The following DNAH14 variants were observed in gnomAD, a reference collection of about 807,000 sequenced individuals.
The protein encoded by DNAH14 is axonemal beta dynein heavy chain 14.
DNAH14 carries 478 observed loss-of-function variants against 520.9 expected under a neutral mutation model. The ratio of observed to expected loss-of-function variants is 0.92; its 90% CI spans 0.85 to 0.99. The LOEUF is 0.99. DNAH14 is among the 50% of genes least tolerant of loss of function. The pLI, the probability that DNAH14 is intolerant of heterozygous loss-of-function variation, is 0.00. For missense variants in DNAH14, 4,831 were observed against 5,234.5 expected (o/e 0.92, Z 2.38); for synonymous variants, 1,581 against 1,757.2 (o/e 0.90, Z 2.51).
chr1:225,218,397 G>A (rs1574073857), intron 41 of DNAH14, among the ~76,000 whole-genome samples: 1 of 151,688 alleles, frequency 6.6e-6, no homozygotes, highest in Admixed American at 6.6e-5. Context: ...TCAGTGTGCT[G>A]TATTCAGGAG....
Position 224,967,413 on chromosome 1 carries a change from T to A in DNAH14, c.499-18T>A, listed in dbSNP as rs764014458. 1.5e-5 allele frequency: 14 copies of A among 944,472 alleles called. No individual in the cohort carries two copies. In the African/African-American group the frequency reaches 1.8e-4, roughly 12 times the overall value. The allele number at this position is 944,472 out of a possible 1,614,324, so 58.5% of individuals were successfully genotyped here. On this transcript the variant is annotated intron_variant, in intron 5 of 85. Transcript: ENST00000682510. ...TCAAATTAATTAAATTTGTTTATTA[T>A]TTTTTTTTTAATCTCAGAAACCTTT...
At chr1:225,126,317 G>A (rs772594184) in intron 27 of DNAH14, among the ~76,000 whole-genome samples, 24 of 152,182 alleles carry the variant, frequency 1.6e-4, no homozygotes, top group African/African-American at 4.6e-4. Flanking sequence ...GGTAGAATTC[G>A]GCTGTGAATC....
At chr1:225,171,286 G>T (rs1459754304) in intron 36 of DNAH14, among the ~76,000 whole-genome samples, 1 of 151,962 alleles carries the variant, frequency 6.6e-6, no homozygotes, top group Non-Finnish European at 1.5e-5. Context: ...GAACTGAAGG[G>T]AATAGAGACA....
chr1:225,205,267 G>T (rs1441694184), intron 39 of DNAH14, among the ~76,000 whole-genome samples: 2 of 152,104 alleles, frequency 1.3e-5, no homozygotes, highest in Non-Finnish European at 2.9e-5. Context: ...GGTCATGAGG[G>T]TAGAGCCCTC....
At chr1:225,036,160 G>C (rs1410206467) in intron 11 of DNAH14, among the ~76,000 whole-genome samples, 1 of 152,052 alleles carries the variant, frequency 6.6e-6, no homozygotes, top group Non-Finnish European at 1.5e-5. Context: ...TTTTGAGATA[G>C]AGTCCCACAC....
chr1:225,065,534 T>G (rs1372615206), intron 17 of DNAH14, among the ~76,000 whole-genome samples: 1 of 151,878 alleles, frequency 6.6e-6, no homozygotes, highest in East Asian at 1.9e-4. Flanking sequence ...ACCCATAGCC[T>G]TTAGTAAACA....
In DNAH14 at chr1:224,955,083, T is replaced by A. The variant is rs375259141; in HGVS notation, c.202T>A (p.Ser68Thr). The A allele has an allele frequency of 1.2e-6, 2 of 1,609,622 alleles. No individual in the cohort carries two copies. Among genetic ancestry groups the A allele is most frequent in the African/African-American group, 1.3e-5 (1 of 74,894 alleles). ...TAGAACATTCTCTGAATCTTTGAAG[T>A]CAGAGAAAACAGAAGGTATTTATCA... ...TVRTFSESLK[S>T]EKTEDYLRES... The change falls in exon 3 of 86, where the codon TCA becomes ACA. Residue 68 changes from serine (S) to threonine (T), a missense_variant. Transcript: ENST00000682510.
chr1:225,079,971 C>T (rs1213775589), intron 18 of DNAH14, among the ~76,000 whole-genome samples: 1 of 152,052 alleles, frequency 6.6e-6, no homozygotes, highest in Non-Finnish European at 1.5e-5. Context: ...CCGTGACCGG[C>T]CAATACAAGT....
intron 36 of DNAH14, among the ~76,000 whole-genome samples, chr1:225,177,148 G>T (rs1283443055): frequency 3.3e-5 from 5 of 152,204 alleles, no homozygotes; most frequent in South Asian, 2.1e-4. Flanking sequence ...TTGGGAACTG[G>T]AGTAAAGGTG....
intron 25 of DNAH14, 137 bp from the exon 26 acceptor site, chr1:225,119,083 C>A: frequency 2.0e-6 from 1 of 499,596 alleles, no homozygotes; most frequent in Non-Finnish European, 3.3e-6. Context: ...TTTAGAAAAA[C>A]CAAAAGGCAG....
At chr1:225,119,658 A>G (rs2077143454) in intron 26 of DNAH14, among the ~76,000 whole-genome samples, 1 of 152,142 alleles carries the variant, frequency 6.6e-6, no homozygotes, top group Non-Finnish European at 1.5e-5. Flanking sequence ...TTTTGGTTCT[A>G]CTTTTACTTC....
At chr1:225,187,324 C>CTGGAAGAGAG (rs2084883016) in intron 37 of DNAH14, among the ~76,000 whole-genome samples, 4 of 151,874 alleles carry the variant, frequency 2.6e-5, no homozygotes, top group Admixed American at 1.3e-4. Context: ...ATTCTCCTAT[C>CTGGAAGAGAG]TTCCCATTCC....
chr1:225,191,510 T>C (rs1294388718), intron 37 of DNAH14, among the ~76,000 whole-genome samples: 1 of 152,046 alleles, frequency 6.6e-6, no homozygotes, highest in African/African-American at 2.4e-5. Flanking sequence ...TGGACATCAA[T>C]AGTTTGATTA....
intron 10 of DNAH14, among the ~76,000 whole-genome samples, chr1:225,023,363 T>C (rs1178407328): frequency 1.3e-5 from 2 of 149,400 alleles, no homozygotes; most frequent in African/African-American, 5.1e-5. Context: ...GTCTCCTCTG[T>C]CTTTTTTTTT....
At chr1:225,258,626 G>A (rs1258482486) in intron 45 of DNAH14, among the ~76,000 whole-genome samples, 1 of 152,090 alleles carries the variant, frequency 6.6e-6, no homozygotes, top group African/African-American at 2.4e-5. Flanking sequence ...CATTTTCCCA[G>A]TTCCATATGC....
intron 42 of DNAH14, among the ~76,000 whole-genome samples, chr1:225,237,602 G>A (rs759067114): frequency 1.2e-4 from 18 of 151,918 alleles, no homozygotes; most frequent in Middle Eastern, 3.2e-3. Flanking sequence ...TGATTTTTTC[G>A]TGGAGCATCT....
chr1:225,032,365 G>T (rs2066595072), intron 11 of DNAH14, among the ~76,000 whole-genome samples: 2 of 152,114 alleles, frequency 1.3e-5, no homozygotes, highest in South Asian at 2.1e-4. Context: ...GTTTGCTAAG[G>T]ATGATCACCT....
rs553531032 is a variant in DNAH14, at chr1:224,978,663, C to A, written c.830+4510C>A. On this transcript the variant is annotated intron_variant, in intron 8 of 85. Coordinates refer to ENST00000682510, the MANE Select transcript of DNAH14 (RefSeq NM_001367479.1). ...TATTCTTATTTCCTTTTTTTAGAGACAGAGTCTCACTCTTGCCCAGGCGGC... is the reference window on the plus strand; with the variant it reads ...TATTCTTATTTCCTTTTTTTAGAGAAAGAGTCTCACTCTTGCCCAGGCGGC... Among the ~76,000 whole-genome samples, 6 of 152,238 alleles carry A rather than the reference C, an allele frequency of 3.9e-5. No individual in the cohort carries two copies. In the South Asian group the frequency reaches 1.2e-3, roughly 32 times the overall value.
intron 66 of DNAH14, among the ~76,000 whole-genome samples, chr1:225,335,193 A>G (rs1421888938): frequency 2.1e-5 from 3 of 140,056 alleles, no homozygotes; most frequent in Non-Finnish European, 3.3e-5. Flanking sequence ...ATGTGTGTAT[A>G]TATGCACACA....
Sources: allele counts gnomAD v4.1 joint callset (sites outside exome capture counted in the v4.1 genomes callset), GRCh38; gene constraint gnomAD v4.1.1; transcripts MANE v1.5; gene names NCBI Gene and HGNC (gene_info 2026-07-23, HGNC 2026-07-21).